Variants in BPTF observed in about 807,000 individuals in gnomAD.
The protein encoded by BPTF is nucleosome-remodeling factor subunit BPTF.
BPTF carries 18 observed loss-of-function variants against 292.5 expected under a neutral mutation model. The ratio of observed to expected loss-of-function variants is 0.06; its 90% CI spans 0.04 to 0.09. BPTF has a LOEUF of 0.09. Ranked by LOEUF, BPTF falls within the 10% of genes least tolerant of loss-of-function variation. The pLI, the probability that BPTF is intolerant of heterozygous loss-of-function variation, is 1.00. For synonymous variants in BPTF, 1,225 were observed against 1,251.9 expected, an observed-to-expected ratio of 0.98 and a Z score of 0.45; for missense variants, 2,726 against 3,498.7, an observed-to-expected ratio of 0.78 and a Z score of 5.57.
At chr17:67,925,481 T>C (rs892737126) in intron 15 of BPTF, among the ~76,000 whole-genome samples, 6 of 152,042 alleles carry the variant, frequency 3.9e-5, no homozygotes, top group Non-Finnish European at 8.8e-5. Context: ...CTGGGCAACA[T>C]AGGGAGACCC....
intron 1 of BPTF, among the ~76,000 whole-genome samples, chr17:67,847,066 G>A (rs2058079720): frequency 6.6e-6 from 1 of 152,092 alleles, no homozygotes; most frequent in Admixed American, 6.5e-5. Context: ...AACTCTTAGT[G>A]GTACTGGCTG....
chr17:67,909,407 T>C (rs534528100), intron 9 of BPTF, among the ~76,000 whole-genome samples, 175 bp from the exon 10 acceptor site: 15 of 151,800 alleles, frequency 9.9e-5, no homozygotes, highest in African/African-American at 3.6e-4. Context: ...CAGCCAGGCA[T>C]ATAGGATTAT....
chr17:67,830,321 C>G (rs2056550015), intron 1 of BPTF, among the ~76,000 whole-genome samples: 1 of 152,204 alleles, frequency 6.6e-6, no homozygotes, highest in African/African-American at 2.4e-5. Context: ...AACAAAAACC[C>G]TGGTGTTACC....
At chr17:67,829,138 GT>G (rs1054457906) in intron 1 of BPTF, among the ~76,000 whole-genome samples, 30 of 148,892 alleles carry the variant, frequency 2.0e-4, no homozygotes, top group African/African-American at 7.4e-4. Context: ...TTTCTAATTG[GT>G]TTTTGATGGA....
chr17:67,964,435 A>G, intron 25 of BPTF, 31 bp downstream of exon 25: 1 of 1,564,822 alleles, frequency 6.4e-7, no homozygotes, highest in Non-Finnish European at 8.7e-7. Context: ...GCATTTCAAA[A>G]TGAAATCAGC....
chr17:67,832,300 C>T (rs752423646), intron 1 of BPTF, among the ~76,000 whole-genome samples: 2 of 149,460 alleles, frequency 1.3e-5, no homozygotes, highest in Non-Finnish European at 3.0e-5. Context: ...TTTAAAAGAT[C>T]GAAGGTGACC....
chr17:67,827,163 T>C (rs2056151432), intron 1 of BPTF, among the ~76,000 whole-genome samples: 1 of 152,242 alleles, frequency 6.6e-6, no homozygotes, highest in African/African-American at 2.4e-5. Context: ...TGCAGTTTCG[T>C]GTCACCTGTT....
chr17:67,945,936 T>A lies in BPTF; in HGVS notation c.7228T>A (p.Leu2410Ile). The A allele has an allele frequency of 6.2e-7, 1 of 1,614,072 alleles. No individual in the cohort carries two copies. Among genetic ancestry groups the A allele is most frequent in the Non-Finnish European group, 8.5e-7 (1 of 1,180,012 alleles). The stretch of plus-strand genomic sequence containing the variant: ...TCAAACTCTTTCATCAGGACAAACT[T>A]TAAATCAAGTTACTGTTTCATCCCC... ...STQTLSSGQTLNQVTVSSPSR... is the reference protein window; with the variant it reads ...STQTLSSGQTINQVTVSSPSR... Residue 2410 changes from leucine (L) to isoleucine (I), a missense_variant, in exon 21 of 28, where the codon TTA (leucine) becomes ATA (isoleucine). Leu to Ile is a conservative substitution (Grantham distance 5). Around this residue, in one of 22 missense-constraint regions of BPTF, gnomAD observed 570 missense variants for 633.5 expected, o/e 0.90. Coordinates refer to ENST00000306378, the MANE Select transcript of BPTF (RefSeq NM_182641.4).
intron 12 of BPTF, 144 bp from the exon 13 acceptor site, chr17:67,919,871 T>G: frequency 1.4e-6 from 1 of 708,766 alleles, no homozygotes; most frequent in Admixed American, 2.9e-5. Context: ...GTGATCCTGC[T>G]AGATGTTAGT....
chr17:67,945,151 T>G (rs1555673803), intron 20 of BPTF, among the ~76,000 whole-genome samples: 1 of 152,168 alleles, frequency 6.6e-6, no homozygotes, highest in African/African-American at 2.4e-5. Context: ...TCCTCCCACC[T>G]CAGCCTCCCA....
At position 67,911,560 on chromosome 17, in the gene BPTF, A is replaced by G. The variant is rs1214985919; in HGVS notation, c.3676A>G (p.Ile1226Val). The change falls in exon 11 of 28, where the codon ATT becomes GTT. Residue 1226 changes from isoleucine (I) to valine (V), a missense_variant. This residue lies in a region of BPTF where 713 missense variants were observed against 714.9 expected (regional missense o/e 1.00). Transcript: ENST00000306378. ...DDSKLASADD[I>V]GTLICKNKKP... ...CTCTAAACTAGCCAGTGCAGATGAT[A>G]TTGGTACTTTGATCTGTAAGAACAA... 1 of 1,614,146 alleles carries G rather than the reference A, an allele frequency of 6.2e-7. No homozygotes were observed. Among genetic ancestry groups the G allele is most frequent in the South Asian group, 1.1e-5 (1 of 91,068 alleles).
At chr17:67,858,208 C>A (rs1194501881) in intron 2 of BPTF, among the ~76,000 whole-genome samples, 2 of 152,174 alleles carry the variant, frequency 1.3e-5, no homozygotes, top group South Asian at 4.1e-4. Context: ...TATTCTGTGT[C>A]TTTTGGTTTG....
At chr17:67,919,961 T>C in intron 12 of BPTF, 54 bp from the exon 13 acceptor site, 3 of 1,537,634 alleles carry the variant, frequency 2.0e-6, no homozygotes, top group Non-Finnish European at 2.7e-6. Flanking sequence ...TGTACCTTTT[T>C]AGTCTCTGAG....
intron 26 of BPTF, among the ~76,000 whole-genome samples, chr17:67,969,495 G>A (rs2068527435): frequency 6.8e-6 from 1 of 146,348 alleles, no homozygotes; most frequent in South Asian, 2.2e-4. Context: ...ATTGCTTTTG[G>A]TGTGTTCTTG....
At chr17:67,857,396 G>GA (rs2058762135) in intron 2 of BPTF, among the ~76,000 whole-genome samples, 2 of 151,374 alleles carry the variant, frequency 1.3e-5, no homozygotes, top group Non-Finnish European at 2.9e-5. Context: ...TCCTGACCTT[G>GA]TGATCTGTCT....
At chr17:67,887,216 T>C (rs1367132291) in intron 4 of BPTF, among the ~76,000 whole-genome samples, 1 of 152,224 alleles carries the variant, frequency 6.6e-6, no homozygotes, top group Admixed American at 6.5e-5. Flanking sequence ...CTCATGTGGT[T>C]AAGTTTCTTA....
In BPTF at chr17:67,928,745, G is replaced by T; in HGVS notation, c.5998+144G>T. On this transcript the variant is annotated intron_variant, in intron 16 of 27. Coordinates refer to ENST00000306378, the MANE Select transcript of BPTF (RefSeq NM_182641.4). ...GCAAACAAGCTGTAACGGTTGGTTT[G>T]TTACAAATAATGTTCATAATATTAC... The T allele has an allele frequency of 3.5e-6, 4 of 1,158,982 alleles. No homozygotes were observed. The South Asian group carries it at 5.3e-5, about 15-fold the overall frequency. The allele number at this position is 1,158,982 out of a possible 1,614,324, so 71.8% of individuals were successfully genotyped here. A position where few individuals can be genotyped will look rare whatever the true frequency, so the allele number is the denominator to read the frequency against.
chr17:67,925,058 T>G (rs1598702480), intron 15 of BPTF, among the ~76,000 whole-genome samples: 1 of 151,352 alleles, frequency 6.6e-6, no homozygotes, highest in Non-Finnish European at 1.5e-5. Flanking sequence ...CAGGTTTTTT[T>G]TTTTTTTTTT....
chr17:67,967,723 G>A (rs2068282777), intron 26 of BPTF, among the ~76,000 whole-genome samples: 1 of 146,628 alleles, frequency 6.8e-6, no homozygotes, highest in East Asian at 1.9e-4. Context: ...GGAGGCTGAG[G>A]CACAAGAATC....
Sources: allele counts gnomAD v4.1 joint callset (sites outside exome capture counted in the v4.1 genomes callset), GRCh38; gene constraint gnomAD v4.1.1; regional missense constraint gnomAD v4.1.1; transcripts MANE v1.5; gene names NCBI Gene and HGNC (gene_info 2026-07-23, HGNC 2026-07-21).